SUGCT: variants seen among roughly 807,000 people sequenced by gnomAD.
SUGCT encodes the protein succinyl-CoA:glutarate-CoA transferase.
SUGCT carries 41 observed loss-of-function variants against 55.0 expected under a neutral mutation model. The ratio of observed to expected loss-of-function variants is 0.74; its 90% CI spans 0.58 to 0.97. SUGCT has a LOEUF of 0.97. Among genes scored for constraint, SUGCT ranks in the 50% least tolerant of loss-of-function variants. SUGCT has a pLI of 0.00. For missense variants in SUGCT, 568 were observed against 547.8 expected, an observed-to-expected ratio of 1.04 and a Z score of -0.37; for synonymous variants, 187 against 200.4, an observed-to-expected ratio of 0.93 and a Z score of 0.56.
At chr7:40,471,560 C>T (rs998724399) in intron 11 of SUGCT, among the ~76,000 whole-genome samples, 11 of 151,946 alleles carry the variant, frequency 7.2e-5, no homozygotes, top group African/African-American at 2.7e-4. Context: ...AAAACCTATA[C>T]AACTTTCTTG....
chr7:40,597,178 G>T (rs1798054414), intron 12 of SUGCT, among the ~76,000 whole-genome samples: 1 of 152,098 alleles, frequency 6.6e-6, no homozygotes, highest in Admixed American at 6.6e-5. Context: ...TTCTCCAAAA[G>T]AAAATCCTTA....
intron 12 of SUGCT, among the ~76,000 whole-genome samples, chr7:40,626,411 A>AT (rs1218799947): frequency 0.017 from 2,392 of 141,866 alleles, 49 homozygotes; most frequent in African/African-American, 0.051. Flanking sequence ...CGTGTGCCTA[A>AT]TTTTTTTTTT....
At chr7:40,878,732 C>A in the SUGCT span, among the ~76,000 whole-genome samples, 3 of 151,962 alleles carry the variant, frequency 2.0e-5, no homozygotes, top group Non-Finnish European at 4.4e-5. Flanking sequence ...ACACCCTCCA[C>A]CAGAAAAACC....
At chr7:40,204,887 T>TTGC (rs1786865212) in intron 6 of SUGCT, among the ~76,000 whole-genome samples, 1 of 151,976 alleles carries the variant, frequency 6.6e-6, no homozygotes, top group African/African-American at 2.4e-5. Flanking sequence ...TGAGCTCTGA[T>TTGC]TGCTGCAGTG....
At chr7:40,139,132 A>AATC (rs1787846320) in intron 1 of SUGCT, among the ~76,000 whole-genome samples, 1 of 3,988 alleles carries the variant, frequency 2.5e-4, no homozygotes, top group African/African-American at 4.3e-4. Context: ...GCTCAAAAAT[A>AATC]AATAAATAAA....
chr7:40,304,668 T>A (rs1161874068), intron 8 of SUGCT, among the ~76,000 whole-genome samples: 2 of 150,340 alleles, frequency 1.3e-5, no homozygotes, highest in Non-Finnish European at 3.0e-5. Flanking sequence ...CTCCCACATA[T>A]GAGTGAGAAC....
chr7:40,195,708 C>CTTTTTTTTTTT (rs928397687), intron 6 of SUGCT, among the ~76,000 whole-genome samples: 2 of 69,406 alleles, frequency 2.9e-5, no homozygotes, highest in Non-Finnish European at 5.1e-5. Context: ...GAAAACAATT[C>CTTTTTTTTTTT]TTTTTTTTTT....
At chr7:40,377,226 C>T (rs1404178932) in intron 9 of SUGCT, among the ~76,000 whole-genome samples, 1 of 14,734 alleles carries the variant, frequency 6.8e-5, no homozygotes, top group African/African-American at 1.2e-4. Context: ...TCTTTTCTTT[C>T]TTTCTTCCCT....
chr7:40,199,551 A>G (rs952896806), intron 6 of SUGCT, among the ~76,000 whole-genome samples: 22 of 152,206 alleles, frequency 1.4e-4, no homozygotes, highest in Admixed American at 3.3e-4. Flanking sequence ...TAGAAGTACA[A>G]TGGTATTTCC....
intron 12 of SUGCT, among the ~76,000 whole-genome samples, chr7:40,618,880 T>C (rs894740060): frequency 3.3e-5 from 5 of 152,192 alleles, no homozygotes; most frequent in Non-Finnish European, 5.9e-5. Context: ...GTCATTTCTG[T>C]CCTCTAGGAG....
intron 6 of SUGCT, among the ~76,000 whole-genome samples, chr7:40,219,791 T>C (rs575493395): frequency 6.6e-6 from 1 of 152,280 alleles, no homozygotes; most frequent in East Asian, 1.9e-4. Flanking sequence ...AAATAATACC[T>C]TAAATTAAAA....
intron 12 of SUGCT, among the ~76,000 whole-genome samples, chr7:40,698,521 C>T (rs548472470): frequency 2.0e-5 from 3 of 152,040 alleles, no homozygotes; most frequent in South Asian, 2.1e-4. Flanking sequence ...GAGGAAGAAG[C>T]GACCACACCC....
At chr7:40,697,079 C>G (rs1388597448) in intron 12 of SUGCT, among the ~76,000 whole-genome samples, 3 of 152,150 alleles carry the variant, frequency 2.0e-5, no homozygotes, top group African/African-American at 4.8e-5. Flanking sequence ...CACACACACA[C>G]TCACACGTAA....
chr7:40,572,932 C>T (rs1337473552), intron 12 of SUGCT, among the ~76,000 whole-genome samples: 1 of 152,144 alleles, frequency 6.6e-6, no homozygotes, highest in African/African-American at 2.4e-5. Flanking sequence ...TTCATCTTGA[C>T]GTCATCTGTC....
At chr7:40,661,118 G>A (rs945053361) in intron 12 of SUGCT, among the ~76,000 whole-genome samples, 2 of 152,130 alleles carry the variant, frequency 1.3e-5, no homozygotes, top group Non-Finnish European at 2.9e-5. Flanking sequence ...TGGACTAGAG[G>A]ACTCACTTTC....
At chr7:40,492,973 T>A (rs1377288757) in intron 11 of SUGCT, among the ~76,000 whole-genome samples, 2 of 152,216 alleles carry the variant, frequency 1.3e-5, no homozygotes, top group South Asian at 2.1e-4. Context: ...TGTGTATCAA[T>A]GTAATAATAT....
At chr7:40,854,484 C>CTCTT (rs150153135) in intron 13 of SUGCT, among the ~76,000 whole-genome samples, 99 of 106,218 alleles carry the variant, frequency 9.3e-4, no homozygotes, top group Middle Eastern at 9.6e-3. Flanking sequence ...TTCTCTTTCT[C>CTCTT]TCTTTCTTTC....
At chr7:40,415,230 A>G (rs1206786133) in intron 9 of SUGCT, among the ~76,000 whole-genome samples, 1 of 145,770 alleles carries the variant, frequency 6.9e-6, no homozygotes, top group Non-Finnish European at 1.5e-5. Context: ...CAATGGTGCC[A>G]CTGCACTCCA....
At chr7:40,356,298 T>C (rs1032121013) in intron 9 of SUGCT, among the ~76,000 whole-genome samples, 2 of 152,238 alleles carry the variant, frequency 1.3e-5, no homozygotes, top group Non-Finnish European at 2.9e-5. Flanking sequence ...AAATTTTAGA[T>C]TGAATTCATT....
Sources: allele counts gnomAD v4.1 joint callset (sites outside exome capture counted in the v4.1 genomes callset), GRCh38; gene constraint gnomAD v4.1.1; transcripts MANE v1.5; gene names NCBI Gene and HGNC (gene_info 2026-07-23, HGNC 2026-07-21).